Variants in TCF4 observed in about 807,000 individuals in gnomAD.
TCF4 encodes the protein SL3-3 enhancer factor 2.
Under a neutral mutation model 82.1 loss-of-function variants are expected in TCF4, and 3 were observed. That is an observed-to-expected ratio of 0.04 (90% CI 0.02 to 0.09). The LOEUF (loss-of-function observed/expected upper bound fraction) is 0.09, where lower values mean the gene tolerates loss of function less well. Ranked by LOEUF, TCF4 falls within the 10% of genes least tolerant of loss-of-function variation. TCF4 has a pLI of 1.00. For synonymous variants in TCF4, 276 were observed against 309.6 expected, an observed-to-expected ratio of 0.89 and a Z score of 1.14; for missense variants, 518 against 852.7, an observed-to-expected ratio of 0.61 and a Z score of 4.89.
intron 2 of TCF4, among the ~76,000 whole-genome samples, chr18:55,611,464 C>G (rs1190059799): frequency 2.0e-5 from 3 of 152,166 alleles, no homozygotes; most frequent in Admixed American, 6.6e-5. Flanking sequence ...CCATGACACC[C>G]TACCTAGAGC....
intron 6 of TCF4, among the ~76,000 whole-genome samples, chr18:55,379,622 G>A (rs775834463): frequency 1.3e-5 from 2 of 152,114 alleles, no homozygotes; most frequent in Non-Finnish European, 2.9e-5. Flanking sequence ...TTCAGTTTTT[G>A]GGGTTTTTTT....
intron 3 of TCF4, among the ~76,000 whole-genome samples, chr18:55,562,767 AT>A (rs2097366306): frequency 6.6e-6 from 1 of 152,256 alleles, no homozygotes. Context: ...ACTTAAAAAA[AT>A]AAACAACTTA....
rs150715976 is a variant in TCF4 at position 55,622,825 on chromosome 18, T to C, written c.286+8473A>G. On this transcript the variant is annotated intron_variant, in intron 2 of 20. Transcript: ENST00000398339. ...GACAAATAGGAATTTCACAGAATAT[T>C]ATACATGCATTTGCACGAGAGTTCT... Among the ~76,000 whole-genome samples, 349 of 152,194 alleles carry C rather than the reference T, an allele frequency of 2.3e-3. 1 individual carries two copies. Among genetic ancestry groups the C allele is most frequent in the Non-Finnish European group, 3.4e-3 (229 of 68,016 alleles).
intron 3 of TCF4, among the ~76,000 whole-genome samples, chr18:55,564,908 C>T (rs2097389306): frequency 6.6e-6 from 1 of 152,262 alleles, no homozygotes; most frequent in East Asian, 1.9e-4. Context: ...AAAACAAGGT[C>T]ATATTGCTAA....
At chr18:55,349,366 T>C (rs1488296138) in intron 8 of TCF4, among the ~76,000 whole-genome samples, 1 of 152,154 alleles carries the variant, frequency 6.6e-6, no homozygotes, top group Non-Finnish European at 1.5e-5. Context: ...GCAAGACCTA[T>C]TATTCTTCTA....
chr18:55,366,011 TAG>T (rs2087004831), intron 6 of TCF4, among the ~76,000 whole-genome samples: 2 of 105,338 alleles, frequency 1.9e-5, no homozygotes, highest in East Asian at 3.7e-4. Flanking sequence ...GATATAGATA[TAG>T]ATATAGATAT....
chr18:55,270,065 C>T (rs1016492472), intron 10 of TCF4, 102 bp from the exon 11 acceptor site: 9 of 1,454,240 alleles, frequency 6.2e-6, no homozygotes, highest in African/African-American at 5.6e-5. Flanking sequence ...ACAATGGAGA[C>T]AGCTTTTAGA....
At chr18:55,561,715 C>T (rs1024882202) in intron 3 of TCF4, among the ~76,000 whole-genome samples, 5 of 152,032 alleles carry the variant, frequency 3.3e-5, no homozygotes, top group Non-Finnish European at 5.9e-5. Context: ...TGTCTGTTAA[C>T]AAGAATAAGA....
At chr18:55,485,401 C>G (rs2096499085) in intron 3 of TCF4, among the ~76,000 whole-genome samples, 1 of 152,234 alleles carries the variant, frequency 6.6e-6, no homozygotes, top group Admixed American at 6.5e-5. Flanking sequence ...AATACCAACT[C>G]TGGATAAATC....
chr18:55,401,169 G>A (rs2093794806), intron 6 of TCF4: 1 of 1,263,746 alleles, frequency 7.9e-7, no homozygotes. Flanking sequence ...ACACACTATG[G>A]TCTGTTCTAT....
At chr18:55,523,754 T>G (rs879543491) in intron 3 of TCF4, among the ~76,000 whole-genome samples, 3 of 152,090 alleles carry the variant, frequency 2.0e-5, no homozygotes, top group Non-Finnish European at 4.4e-5. Context: ...CTTTCCCTTT[T>G]TATTTTTTCA....
intron 15 of TCF4, among the ~76,000 whole-genome samples, chr18:55,245,749 T>C (rs1224292249): frequency 6.6e-6 from 1 of 152,230 alleles, no homozygotes; most frequent in Non-Finnish European, 1.5e-5. Flanking sequence ...ATGAGCTCAA[T>C]GGCATCTTCT....
chr18:55,611,693 G>T (rs992284409), intron 2 of TCF4, among the ~76,000 whole-genome samples: 1 of 152,060 alleles, frequency 6.6e-6, no homozygotes, highest in African/African-American at 2.4e-5. Flanking sequence ...AAATTAATTT[G>T]ATAATATATT....
chr18:55,432,603 CAAACT>C (rs2095236059), intron 5 of TCF4, among the ~76,000 whole-genome samples: 1 of 152,162 alleles, frequency 6.6e-6, no homozygotes, highest in Non-Finnish European at 1.5e-5. Flanking sequence ...AAAAAGTAAA[CAAACT>C]AGATTCATCA....
chr18:55,390,286 T>TAAAAAAAA (rs56965997), intron 6 of TCF4, among the ~76,000 whole-genome samples: 25 of 82,164 alleles, frequency 3.0e-4, no homozygotes, highest in Non-Finnish European at 4.1e-4. Context: ...CCCTGACTCT[T>TAAAAAAAA]AAAAAAAAAA....
intron 5 of TCF4, among the ~76,000 whole-genome samples, chr18:55,421,070 A>C (rs542821328): frequency 7.6e-4 from 115 of 152,254 alleles, no homozygotes; most frequent in Non-Finnish European, 1.4e-3. Flanking sequence ...ACACAAAAAA[A>C]GAAATAAACT....
At chr18:55,321,501 A>C (rs1397234091) in intron 8 of TCF4, 2 of 987,218 alleles carry the variant, frequency 2.0e-6, no homozygotes, top group East Asian at 5.2e-5. Context: ...AAGGAGAAGA[A>C]GTAGGCAAGA....
chr18:55,424,902 T>A (rs761746295), intron 5 of TCF4, among the ~76,000 whole-genome samples: 1 of 152,208 alleles, frequency 6.6e-6, no homozygotes, highest in Non-Finnish European at 1.5e-5. Flanking sequence ...CAATTTATAA[T>A]TTATTTTGCC....
intron 8 of TCF4, among the ~76,000 whole-genome samples, chr18:55,333,765 TGAAGTTGAAAGGCAGGAC>T (rs2078064639): frequency 6.6e-6 from 1 of 152,192 alleles, no homozygotes; most frequent in Non-Finnish European, 1.5e-5. Context: ...AAGTTCACAG[TGAAGTTGAAAGGCAGGAC>T]GAGGTTTATT....
Sources: gnomAD v4.1 joint callset for allele counts (sites outside exome capture counted in the v4.1 genomes callset) on GRCh38, gnomAD v4.1.1 for gene constraint, MANE v1.5 for transcripts, NCBI Gene and HGNC (gene_info 2026-07-23, HGNC 2026-07-21) for gene names.